The following PLAG1 variants were observed in gnomAD, a reference collection of about 807,000 sequenced individuals.
PLAG1 encodes the protein zinc finger protein PLAG1.
PLAG1 carries 7 observed loss-of-function variants against 35.5 expected under a neutral mutation model. That is an observed-to-expected ratio of 0.20 (90% CI 0.11 to 0.37). The LOEUF (loss-of-function observed/expected upper bound fraction) is 0.37, where lower values mean the gene tolerates loss of function less well. PLAG1 is among the 10% of genes least tolerant of loss of function. The pLI, the probability that PLAG1 is intolerant of heterozygous loss-of-function variation, is 1.00. For synonymous variants in PLAG1, 229 were observed against 225.4 expected, an observed-to-expected ratio of 1.02 and a Z score of -0.14; for missense variants, 454 against 602.8, an observed-to-expected ratio of 0.75 and a Z score of 2.58.
In PLAG1 at chr8:56,196,586, A is replaced by G. The variant is rs562036035; in HGVS notation, c.-322+14535T>C. Among the ~76,000 whole-genome samples the G allele has an allele frequency of 7.2e-5, 11 of 151,926 alleles. No homozygotes were observed. The East Asian group carries it at 2.1e-3, about 30-fold the overall frequency. ...GGGGTGTGAGGACACGTCAGTCAGA[A>G]CTGGGTGGCACCGCGAGCGTTTCCT... is the stretch of plus-strand genomic sequence containing the variant. On this transcript the variant is annotated intron_variant, in intron 1 of 4. Transcript: ENST00000316981.
At chr8:56,183,015 T>C (rs1200482757) in intron 1 of PLAG1, among the ~76,000 whole-genome samples, 1 of 152,144 alleles carries the variant, frequency 6.6e-6, no homozygotes, top group Non-Finnish European at 1.5e-5. Context: ...AAGGGTCCTA[T>C]GTCTGGGAAG....
At chr8:56,203,000 A>G (rs1304202102) in intron 1 of PLAG1, among the ~76,000 whole-genome samples, 1 of 152,206 alleles carries the variant, frequency 6.6e-6, no homozygotes, top group Non-Finnish European at 1.5e-5. Flanking sequence ...TTGATAATTA[A>G]GAATTTAAAT....
chr8:56,171,596 G>A (rs1811526219), intron 2 of PLAG1, among the ~76,000 whole-genome samples: 1 of 152,148 alleles, frequency 6.6e-6, no homozygotes, highest in South Asian at 2.1e-4. Context: ...TACATCTGGA[G>A]CCACCCAAAG....
intron 1 of PLAG1, among the ~76,000 whole-genome samples, chr8:56,203,248 A>C (rs934985371): frequency 6.6e-6 from 1 of 152,178 alleles, no homozygotes; most frequent in Non-Finnish European, 1.5e-5. Flanking sequence ...AGATACAAAA[A>C]CAACTATCTG....
intron 1 of PLAG1, among the ~76,000 whole-genome samples, chr8:56,198,834 G>C (rs1013538926): frequency 6.6e-6 from 1 of 152,152 alleles, no homozygotes; most frequent in Non-Finnish European, 1.5e-5. Flanking sequence ...ACTGCACCCC[G>C]AGGGAGCTCT....
intron 1 of PLAG1, among the ~76,000 whole-genome samples, chr8:56,208,968 T>C (rs1812774875): frequency 6.6e-6 from 1 of 152,236 alleles, no homozygotes; most frequent in Non-Finnish European, 1.5e-5. Flanking sequence ...AACTTTTCCA[T>C]GGTGTTGGTG....
Position 56,167,923 on chromosome 8 carries a change from T to C in PLAG1, c.242+105A>G. On this transcript the variant is annotated intron_variant, in intron 4 of 4. Coordinates refer to ENST00000316981, the MANE Select transcript of PLAG1 (RefSeq NM_002655.3). This position sits in a 1 kb window ranked among gnomAD's most constrained non-coding sequence, Gnocchi z 5.9. The stretch of plus-strand genomic sequence containing the variant: ...TCTAATCTACTTAACATTTCCTCTT[T>C]GCAAATTAGCTGAAAAATGTGTATA... 1 of 651,038 alleles carries C rather than the reference T, an allele frequency of 1.5e-6. No individual in the cohort carries two copies. The highest frequency in any genetic ancestry group is 2.6e-5 in the East Asian group (1 of 38,662). 40.3% of individuals were successfully genotyped at this position (651,038 alleles called of 1,614,324 possible). A position where few individuals can be genotyped will look rare whatever the true frequency, so the allele number is the denominator to read the frequency against.
At position 56,164,264 on chromosome 8, in the gene PLAG1, G is replaced by A; in HGVS notation, c.*1979C>T. The stretch of plus-strand genomic sequence containing the variant: ...AATATAGGAGCATGATAAAATATCA[G>A]GAGCCAAAGCTCCTTCAGAGAGCAA... On this transcript the variant is annotated 3_prime_UTR_variant, in exon 5 of 5. Transcript: ENST00000316981. The A allele has an allele frequency of 4.7e-6, 1 of 212,470 alleles. No homozygotes were observed. Among genetic ancestry groups the A allele is most frequent in the East Asian group, 7.0e-5 (1 of 14,354 alleles). 13.2% of individuals were successfully genotyped at this position (212,470 alleles called of 1,614,324 possible).
intron 1 of PLAG1, among the ~76,000 whole-genome samples, chr8:56,210,118 A>C (rs1158043473): frequency 6.6e-6 from 1 of 151,568 alleles, no homozygotes; most frequent in Non-Finnish European, 1.5e-5. Flanking sequence ...TTGTCGGTTG[A>C]GTTATAAAAG....
At chr8:56,175,977 TTTATAGAGCAAA>T (rs1471362841) in intron 2 of PLAG1, among the ~76,000 whole-genome samples, 46 of 152,134 alleles carry the variant, frequency 3.0e-4, no homozygotes, top group Admixed American at 2.6e-4. Flanking sequence ...GGTTGTTTAT[TTTATAGAGCAAA>T]AATGCCACGT....
At chr8:56,173,624 C>CT (rs778925248) in intron 2 of PLAG1, among the ~76,000 whole-genome samples, 2 of 151,374 alleles carry the variant, frequency 1.3e-5, no homozygotes, top group Non-Finnish European at 2.9e-5. Flanking sequence ...GGTTATTGTG[C>CT]TTTTCAAGTG....
chr8:56,187,570 AG>A (rs1812056307), intron 1 of PLAG1, among the ~76,000 whole-genome samples: 1 of 152,196 alleles, frequency 6.6e-6, no homozygotes, highest in Non-Finnish European at 1.5e-5. Context: ...CATAGTTCTG[AG>A]GGCTCAAAAT....
At chr8:56,169,187 C>G (rs185196799) in intron 3 of PLAG1, among the ~76,000 whole-genome samples, 1 of 152,262 alleles carries the variant, frequency 6.6e-6, no homozygotes, top group East Asian at 1.9e-4. Context: ...AACGAGTCAG[C>G]AGGCATCCCC....
chr8:56,167,228 G>T lies in PLAG1; in HGVS notation c.518C>A (p.Ala173Glu), dbSNP rs1174431472. 8 of 1,613,934 alleles carry T rather than the reference G, an allele frequency of 5.0e-6. No individual in the cohort carries two copies. Among genetic ancestry groups the T allele is most frequent in the Non-Finnish European group, 5.1e-6 (6 of 1,180,018 alleles). The change falls in exon 5 of 5, where the codon GCA becomes GAA. Residue 173 changes from alanine (A) to glutamate (E), a missense_variant. By Grantham distance (107) the Ala-to-Glu change is moderately radical. Transcript: ENST00000316981. This position sits in a 1 kb window ranked among gnomAD's most constrained non-coding sequence, Gnocchi z 5.9. Reference protein sequence around the residue: ...GVLLEHLKSHAGKSSGGVKEK... With the variant: ...GVLLEHLKSHEGKSSGGVKEK... ...TTTAACCCCACCAGACGACTTGCCT[G>T]CATGAGATTTAAGGTGCTCCAGAAG...
chr8:56,172,255 C>A (rs1361490613), intron 2 of PLAG1, among the ~76,000 whole-genome samples: 1 of 152,082 alleles, frequency 6.6e-6, no homozygotes, highest in Non-Finnish European at 1.5e-5. Flanking sequence ...GGCATTCAAG[C>A]ATCATTATAA....
chr8:56,173,826 G>GCA (rs1018729375), intron 2 of PLAG1, among the ~76,000 whole-genome samples: 6 of 151,970 alleles, frequency 3.9e-5, no homozygotes, highest in African/African-American at 1.2e-4. Flanking sequence ...GCGTGTTTGT[G>GCA]CACACACACC....
At chr8:56,172,763 G>A (rs1327359098) in intron 2 of PLAG1, among the ~76,000 whole-genome samples, 1 of 152,158 alleles carries the variant, frequency 6.6e-6, no homozygotes, top group African/African-American at 2.4e-5. Flanking sequence ...GACAAGGCAG[G>A]TTAGCAAACC....
chr8:56,206,020 A>T (rs535532026), intron 1 of PLAG1, among the ~76,000 whole-genome samples: 47 of 152,108 alleles, frequency 3.1e-4, no homozygotes, highest in East Asian at 5.8e-4. Context: ...CTACCTTTTT[A>T]AAAAAATAAG....
chr8:56,191,853 C>A (rs977835224), intron 1 of PLAG1, among the ~76,000 whole-genome samples: 6 of 148,834 alleles, frequency 4.0e-5, no homozygotes, highest in African/African-American at 1.2e-4. Flanking sequence ...AGGTTCTGAA[C>A]TGCCAAAGTA....
Sources: allele counts gnomAD v4.1 joint callset (sites outside exome capture counted in the v4.1 genomes callset), GRCh38; gene constraint gnomAD v4.1.1; non-coding constraint Gnocchi (gnomAD v3.1); transcripts MANE v1.5; gene names NCBI Gene and HGNC (gene_info 2026-07-23, HGNC 2026-07-21).